The following EPHA6 variants were observed in gnomAD, a reference collection of about 807,000 sequenced individuals.
The protein encoded by EPHA6 is EPH receptor A6, also known as ephrin type-A receptor 6.
Under a neutral mutation model 112.0 loss-of-function variants are expected in EPHA6, and 50 were observed. The ratio of observed to expected loss-of-function variants is 0.45; its 90% CI spans 0.36 to 0.56. EPHA6 has a LOEUF of 0.56. EPHA6 is among the 20% of genes least tolerant of loss of function. EPHA6 has a pLI of 0.00. For synonymous variants in EPHA6, 529 were observed against 490.7 expected (o/e 1.08, Z -1.03); for missense variants, 1,280 against 1,417.4 (o/e 0.90, Z 1.56).
At chr3:96,950,897 A>G (rs553389376) in intron 2 of EPHA6, among the ~76,000 whole-genome samples, 84 of 152,206 alleles carry the variant, frequency 5.5e-4, no homozygotes, top group Middle Eastern at 3.4e-3. Flanking sequence ...ATCTAAGAGA[A>G]TTAGTGATGG....
chr3:96,861,382 G>T (rs2035997153), intron 1 of EPHA6, among the ~76,000 whole-genome samples: 2 of 151,442 alleles, frequency 1.3e-5, no homozygotes, highest in Admixed American at 1.3e-4. Context: ...TGAGTGTTTT[G>T]CCCTTTTTTT....
intron 2 of EPHA6, among the ~76,000 whole-genome samples, chr3:96,952,213 T>G (rs1442030109): frequency 6.6e-6 from 1 of 152,260 alleles, no homozygotes; most frequent in Non-Finnish European, 1.5e-5. Flanking sequence ...TGATAAGCAC[T>G]GCCTAGTACA....
chr3:97,547,495 T>A (rs994851112), intron 11 of EPHA6, among the ~76,000 whole-genome samples: 2 of 152,142 alleles, frequency 1.3e-5, no homozygotes, highest in African/African-American at 4.8e-5. Flanking sequence ...GCCTCCCAGT[T>A]AGGCTACTTG....
chr3:97,409,177 C>A (rs2087550304), intron 6 of EPHA6, among the ~76,000 whole-genome samples: 1 of 152,014 alleles, frequency 6.6e-6, no homozygotes, highest in South Asian at 2.1e-4. Context: ...TAAGAAAGAC[C>A]TATACACATA....
At chr3:97,227,260 G>T (rs2078387438) in intron 4 of EPHA6, among the ~76,000 whole-genome samples, 2 of 150,062 alleles carry the variant, frequency 1.3e-5, no homozygotes, top group African/African-American at 4.9e-5. Context: ...TGCTCTTGTA[G>T]TCCAGGCTGG....
At chr3:96,998,157 C>T (rs554370844) in intron 3 of EPHA6, among the ~76,000 whole-genome samples, 167 of 151,960 alleles carry the variant, frequency 1.1e-3, no homozygotes, top group African/African-American at 3.8e-3. Flanking sequence ...TAAATTTACA[C>T]ACATTTCTAT....
At chr3:97,336,540 C>T (rs2083063437) in intron 5 of EPHA6, among the ~76,000 whole-genome samples, 1 of 152,096 alleles carries the variant, frequency 6.6e-6, no homozygotes, top group South Asian at 2.1e-4. Flanking sequence ...GACCTTAGTT[C>T]TGTATTTGGC....
chr3:97,538,564 G>A (rs1275866768), intron 11 of EPHA6, among the ~76,000 whole-genome samples: 1 of 152,154 alleles, frequency 6.6e-6, no homozygotes, highest in African/African-American at 2.4e-5. Context: ...GAAGTCATAG[G>A]GAGGATGAGA....
At chr3:97,506,839 A>C (rs2092263100) in intron 10 of EPHA6, among the ~76,000 whole-genome samples, 2 of 152,046 alleles carry the variant, frequency 1.3e-5, no homozygotes, top group East Asian at 1.9e-4. Context: ...GTCCTCTCTT[A>C]TTTCCTTGAT....
chr3:97,478,587 AG>A (rs1258012223), intron 8 of EPHA6, among the ~76,000 whole-genome samples: 2 of 143,074 alleles, frequency 1.4e-5, no homozygotes, highest in African/African-American at 5.7e-5. Context: ...TACATAAAAT[AG>A]AAAAAAAAAT....
At chr3:97,106,243 C>T (rs1017263174) in intron 3 of EPHA6, among the ~76,000 whole-genome samples, 2 of 152,046 alleles carry the variant, frequency 1.3e-5, no homozygotes, top group African/African-American at 4.8e-5. Flanking sequence ...TAAAGGTATA[C>T]TACACTGTCT....
intron 5 of EPHA6, among the ~76,000 whole-genome samples, chr3:97,363,230 A>G (rs1281427577): frequency 2.7e-5 from 2 of 75,078 alleles, no homozygotes; most frequent in East Asian, 4.0e-4. Flanking sequence ...ATATATATAT[A>G]TATATATAAA....
intron 2 of EPHA6, among the ~76,000 whole-genome samples, chr3:96,940,315 T>G (rs946531715): frequency 1.3e-5 from 2 of 152,156 alleles, no homozygotes; most frequent in Admixed American, 6.6e-5. Flanking sequence ...TTTAAGATAG[T>G]TAGCTCTTGT....
chr3:97,444,959 T>A (rs2090281017), intron 6 of EPHA6, among the ~76,000 whole-genome samples: 1 of 151,966 alleles, frequency 6.6e-6, no homozygotes, highest in Admixed American at 6.6e-5. Flanking sequence ...TAAATATAAG[T>A]GCCAGGGTCT....
At chr3:97,558,455 T>C (rs1478363682) in intron 11 of EPHA6, among the ~76,000 whole-genome samples, 1 of 152,002 alleles carries the variant, frequency 6.6e-6, no homozygotes, top group East Asian at 1.9e-4. Context: ...TCTGAGACAT[T>C]ATTTACTGTT....
At chr3:97,020,628 C>T (rs2044424742) in intron 3 of EPHA6, among the ~76,000 whole-genome samples, 1 of 151,782 alleles carries the variant, frequency 6.6e-6, no homozygotes. Flanking sequence ...GACTGGAGCA[C>T]AGTCTCTGTG....
chr3:97,506,264 A>G (rs1158505867), intron 10 of EPHA6, among the ~76,000 whole-genome samples: 2 of 152,178 alleles, frequency 1.3e-5, no homozygotes, highest in Non-Finnish European at 2.9e-5. Flanking sequence ...GTGCATGCCC[A>G]CGTCCTGAAT....
At chr3:97,444,709 A>G (rs1237843148) in intron 6 of EPHA6, among the ~76,000 whole-genome samples, 1 of 152,110 alleles carries the variant, frequency 6.6e-6, no homozygotes, top group Non-Finnish European at 1.5e-5. Flanking sequence ...GTTATCTCTG[A>G]CTGTAGAAAG....
At position 97,140,862 on chromosome 3, in the gene EPHA6, C is replaced by G. The variant is rs547050214; in HGVS notation, c.1115-85402C>G. Among the ~76,000 whole-genome samples the G allele has an allele frequency of 7.9e-5, 12 of 152,150 alleles. No individual in the cohort carries two copies. The South Asian group carries it at 2.5e-3, about 32-fold the overall frequency. ...TTGAAAATAAATGGCCAAGGTGCCC[C>G]ACTTAAAACATATAGACTGGCAAAT... On this transcript the variant is annotated intron_variant, in intron 3 of 17. Coordinates refer to ENST00000389672, the MANE Select transcript of EPHA6 (RefSeq NM_001080448.3).
Sources: gnomAD v4.1 joint callset for allele counts (sites outside exome capture counted in the v4.1 genomes callset) on GRCh38, gnomAD v4.1.1 for gene constraint, MANE v1.5 for transcripts, NCBI Gene and HGNC (gene_info 2026-07-23, HGNC 2026-07-21) for gene names.